Variants in HPN observed in about 807,000 individuals in gnomAD.
HPN encodes the protein serine protease hepsin.
Under a neutral mutation model 55.9 loss-of-function variants are expected in HPN, and 13 were observed. The observed-to-expected ratio is 0.23, with a 90% CI of 0.15 to 0.37. The LOEUF (loss-of-function observed/expected upper bound fraction) is 0.37. Ranked by LOEUF, HPN falls within the 10% of genes least tolerant of loss-of-function variation. The pLI, the probability that HPN is intolerant of heterozygous loss-of-function variation, is 1.00. For synonymous variants in HPN, 225 were observed against 240.3 expected (o/e 0.94, Z 0.59); for missense variants, 451 against 575.8 (o/e 0.78, Z 2.22).
intron 8 of HPN, 30 bp downstream of exon 8, chr19:35,060,542 G>C (rs1381757579): frequency 2.5e-6 from 4 of 1,611,764 alleles, no homozygotes; most frequent in Non-Finnish European, 3.4e-6. Context: ...GCTGATGATG[G>C]GGAGGCAGAG....
At chr19:35,046,299 C>G (rs1257800885) in intron 2 of HPN, among the ~76,000 whole-genome samples, 2 of 151,310 alleles carry the variant, frequency 1.3e-5, no homozygotes, top group Non-Finnish European at 2.9e-5. Context: ...GGCTAGAGTA[C>G]AGTGGCGCAA....
chr19:35,041,688 T>TCCCCCCCCCCCCCCCCCCC, upstream of HPN: 2 of 638,112 alleles, frequency 3.1e-6, no homozygotes, highest in South Asian at 2.6e-5. Flanking sequence ...CCCCGCCCCT[T>TCCCCCCCCCCCCCCCCCCC]CACCCGCCCC....
In HPN at chr19:35,065,740, G is replaced by A. The variant is rs114632544; in HGVS notation, c.1050+59G>A. 3.0e-4 allele frequency: 485 copies of A among 1,608,046 alleles called. No homozygotes were observed. In the African/African-American group the frequency reaches 6.0e-3, roughly 20 times the overall value. On this transcript the variant is annotated intron_variant, in intron 11 of 12. Transcript: ENST00000672452. ...CTGCCACCCCAGGGATGGAGATGCA[G>A]GGGAGTGGGTGGTCAGGCTCCCCAT... is the stretch of plus-strand genomic sequence containing the variant.
At chr19:35,058,481 G>C (rs552552101) in intron 4 of HPN, among the ~76,000 whole-genome samples, 6 of 144,898 alleles carry the variant, frequency 4.1e-5, no homozygotes, top group Non-Finnish European at 7.5e-5. Context: ...TCTGGAAGGA[G>C]AGTTAATCTG....
rs2064297382 is a variant in HPN, at chr19:35,041,870, A to G, written c.-57A>G. On this transcript the variant is annotated splice_region_variant and 5_prime_UTR_variant, in exon 1 of 13. Coordinates refer to ENST00000672452, the MANE Select transcript of HPN (RefSeq NM_001384133.1). Reference sequence around the variant, plus strand: ...GCTCCGCCCCCACCTGCTGGACCCCAGGGTAAGGACAAGGGCCCCCAGACT... The same window carrying G: ...GCTCCGCCCCCACCTGCTGGACCCCGGGGTAAGGACAAGGGCCCCCAGACT... The G allele has an allele frequency of 7.5e-7, 1 of 1,340,992 alleles. No individual in the cohort carries two copies. 83.1% of individuals were successfully genotyped at this position (1,340,992 alleles called of 1,614,324 possible).
Position 35,048,439 on chromosome 19 carries a change from C to G in HPN, c.17-851C>G, listed in dbSNP as rs531373605. 7.9e-5 allele frequency among the ~76,000 whole-genome samples: 12 copies of G among 152,350 alleles called. No homozygotes were observed. The South Asian group carries it at 2.5e-3, about 32-fold the overall frequency. On this transcript the variant is annotated intron_variant, in intron 2 of 12. Coordinates refer to ENST00000672452, the MANE Select transcript of HPN (RefSeq NM_001384133.1). ...TGCTTAGCACCTGGAGGCATCAATA[C>G]AATTTGAGCTATTCTTCTTCTTCTT...
chr19:35,042,054 T>TTGGACCCC, intron 1 of HPN, 182 bp downstream of exon 1: 1 of 1,142,160 alleles, frequency 8.8e-7, no homozygotes, highest in Non-Finnish European at 1.1e-6. Flanking sequence ...GACTCAGCCG[T>TTGGACCCC]TGGACCCCAG....
intron 4 of HPN, among the ~76,000 whole-genome samples, chr19:35,051,260 C>T (rs1323167283): frequency 6.6e-6 from 1 of 152,118 alleles, no homozygotes; most frequent in Non-Finnish European, 1.5e-5. Flanking sequence ...AGGCACGTGC[C>T]ACCACACCCA....
chr19:35,064,339 T>TC (rs2064574434), intron 9 of HPN, among the ~76,000 whole-genome samples: 1 of 151,240 alleles, frequency 6.6e-6, no homozygotes, highest in African/African-American at 2.4e-5. Context: ...TCTCTCTCTC[T>TC]TTCTTCTCTC....
intron 4 of HPN, among the ~76,000 whole-genome samples, chr19:35,052,195 G>A (rs1474289544): frequency 6.6e-6 from 1 of 152,148 alleles, no homozygotes; most frequent in African/African-American, 2.4e-5. Flanking sequence ...TGAGATGGGG[G>A]TAAGAAGAAT....
At chr19:35,062,436 A>G (rs142933779) in intron 9 of HPN, among the ~76,000 whole-genome samples, 2 of 152,240 alleles carry the variant, frequency 1.3e-5, no homozygotes, top group African/African-American at 4.8e-5. Context: ...AATGAATCAG[A>G]CTTAGAAAGT....
At chr19:35,046,811 T>C (rs1053872235) in intron 2 of HPN, among the ~76,000 whole-genome samples, 10 of 151,580 alleles carry the variant, frequency 6.6e-5, no homozygotes, top group African/African-American at 2.4e-4. Flanking sequence ...GGTTGGCTTT[T>C]ATTTATTTAT....
At chr19:35,064,334 CTCTCTT>C (rs753182820) in intron 9 of HPN, among the ~76,000 whole-genome samples, 1 of 151,926 alleles carries the variant, frequency 6.6e-6, no homozygotes, top group Non-Finnish European at 1.5e-5. Flanking sequence ...CTCTCTCTCT[CTCTCTT>C]TCTTCTCTCT....
intron 4 of HPN, among the ~76,000 whole-genome samples, chr19:35,055,240 TAAAC>T (rs1600387710): frequency 6.6e-6 from 1 of 151,980 alleles, no homozygotes; most frequent in Non-Finnish European, 1.5e-5. Flanking sequence ...CATAAAAAAA[TAAAC>T]AAATTAGCAG....
chr19:35,056,648 GT>G (rs770849866), intron 4 of HPN, among the ~76,000 whole-genome samples: 7 of 152,114 alleles, frequency 4.6e-5, no homozygotes, highest in Non-Finnish European at 1.0e-4. Flanking sequence ...GTAATGATGT[GT>G]TTGGCTGGGT....
intron 4 of HPN, among the ~76,000 whole-genome samples, chr19:35,058,122 C>T (rs2064476400): frequency 6.6e-6 from 1 of 151,512 alleles, no homozygotes; most frequent in Non-Finnish European, 1.5e-5. Context: ...CACTGCACAC[C>T]AGCCTGGACA....
chr19:35,062,373 A>G lies in HPN; in HGVS notation c.811+1556A>G, dbSNP rs145971885. On this transcript the variant is annotated intron_variant, in intron 9 of 12. Coordinates refer to ENST00000672452, the MANE Select transcript of HPN (RefSeq NM_001384133.1). ...TGTCTAATATGTGAATAGTAGTTCA[A>G]TCAAGCTGTTACCAAAAAACTAATA... Among the ~76,000 whole-genome samples, 77 of 152,020 alleles carry G rather than the reference A, an allele frequency of 5.1e-4. 1 individual carries two copies. Among genetic ancestry groups the G allele is most frequent in the African/African-American group, 1.8e-3 (74 of 41,484 alleles).
chr19:35,064,593 A>T (rs2064579196), intron 9 of HPN, among the ~76,000 whole-genome samples: 1 of 151,844 alleles, frequency 6.6e-6, no homozygotes, highest in Admixed American at 6.5e-5. Context: ...CTGCCACTGC[A>T]CTCTGGCCTG....
intron 4 of HPN, among the ~76,000 whole-genome samples, chr19:35,057,010 T>A (rs2064461804): frequency 6.6e-6 from 1 of 152,086 alleles, no homozygotes; most frequent in African/African-American, 2.4e-5. Context: ...GTTTTCAGCC[T>A]ACAAAAGACA....
Sources: allele counts gnomAD v4.1 joint callset (sites outside exome capture counted in the v4.1 genomes callset), GRCh38; gene constraint gnomAD v4.1.1; transcripts MANE v1.5; gene names NCBI Gene and HGNC (gene_info 2026-07-23, HGNC 2026-07-21).